Variants in IGFBP3 observed in about 807,000 individuals in gnomAD.
IGFBP3 encodes the protein insulin like growth factor binding protein 3, also known as insulin-like growth factor-binding protein 3.
IGFBP3 carries 9 observed loss-of-function variants against 28.6 expected under a neutral mutation model. The ratio of observed to expected loss-of-function variants is 0.31; its 90% confidence interval spans 0.19 to 0.55. IGFBP3 has a LOEUF of 0.55. Ranked by LOEUF, IGFBP3 falls within the 20% of genes least tolerant of loss-of-function variation. IGFBP3 has a pLI of 0.93. For missense variants in IGFBP3, 382 were observed against 428.9 expected (o/e 0.89, Z 0.97); for synonymous variants, 185 against 188.2 (o/e 0.98, Z 0.14).
At chr7:45,919,191 T>C (rs1784652693) in intron 1 of IGFBP3, among the ~76,000 whole-genome samples, 1 of 152,194 alleles carries the variant, frequency 6.6e-6, no homozygotes, top group Admixed American at 6.5e-5. Context: ...TTACCTTTTT[T>C]TGTCAAATAG....
rs2453837 is a variant in IGFBP3, at chr7:45,916,451, G to A, written c.750+97C>T. ...GGCACTGGTGCTGCACAGGCTCAGA[G>A]TTAGAGCTATGGCCAGAAGAGCCTG... is the stretch of plus-strand genomic sequence containing the variant. On this transcript the variant is annotated intron_variant, in intron 3 of 4. Transcript: ENST00000613132. 1.7e-3 allele frequency: 2,258 copies of A among 1,295,998 alleles called. 27 individuals carry two copies. The African/African-American group carries it at 0.029, about 17-fold the overall frequency. 80.3% of individuals were successfully genotyped at this position (1,295,998 alleles called of 1,614,324 possible). A position where few individuals can be genotyped will look rare whatever the true frequency, so the allele number is the denominator to read the frequency against.
rs540695286 is a variant in IGFBP3, at chr7:45,913,679, G to T, written c.*171C>A. 1 of 152,322 alleles carries T rather than the reference G, an allele frequency of 6.6e-6. No homozygotes were observed. Among genetic ancestry groups the T allele is most frequent in the Admixed American group, 6.5e-5 (1 of 15,302 alleles). The allele number at this position is 152,322 out of a possible 1,614,324, so 9.4% of individuals were successfully genotyped here. ...AAGATGCTCAAGTTTACCATTCAAAGAAACCATAGGCATTTCAAAAACCTC... is the reference window on the plus strand; with the variant it reads ...AAGATGCTCAAGTTTACCATTCAAATAAACCATAGGCATTTCAAAAACCTC... On this transcript the variant is annotated 3_prime_UTR_variant, in exon 5 of 5. Coordinates refer to ENST00000613132, the MANE Select transcript of IGFBP3 (RefSeq NM_000598.5).
chr7:45,920,082 G>C (rs1784663767), intron 1 of IGFBP3: 1 of 152,220 alleles, frequency 6.6e-6, no homozygotes, highest in Admixed American at 6.5e-5. Context: ...TTGTAAGAAT[G>C]GTATGGTACT....
Position 45,920,846 on chromosome 7 carries a change from C to A in IGFBP3, c.295G>T (p.Asp99Tyr). The A allele has an allele frequency of 7.1e-7, 1 of 1,411,792 alleles. No individual in the cohort carries two copies. The highest frequency in any genetic ancestry group is 9.2e-7 in the Non-Finnish European group (1 of 1,090,942). 87.5% of individuals were successfully genotyped at this position (1,411,792 alleles called of 1,614,324 possible). Reference protein sequence around the residue: ...GSGLRCQPSPDEARPLQALLD... With the variant: ...GSGLRCQPSPYEARPLQALLD... Reference sequence around the variant, plus strand: ...AGCGCCTGCAGCGGTCGCGCCTCGTCGGGCGACGGCTGGCAGCGAAGGCCG... The same window carrying A: ...AGCGCCTGCAGCGGTCGCGCCTCGTAGGGCGACGGCTGGCAGCGAAGGCCG... Residue 99 changes from aspartate (D) to tyrosine (Y), a missense_variant, in exon 1 of 5, where the codon GAC becomes TAC. By Grantham distance (160) the Asp-to-Tyr change is radical. Coordinates refer to ENST00000613132, the MANE Select transcript of IGFBP3 (RefSeq NM_000598.5).
At chr7:45,920,540 G>C (rs1048888605) in intron 1 of IGFBP3, 198 bp downstream of exon 1, 2 of 446,424 alleles carry the variant, frequency 4.5e-6, no homozygotes, top group Non-Finnish European at 7.6e-6. Context: ...TTAGAGAATC[G>C]AGCAAGTAGA....
chr7:45,916,205 G>A (rs1010950334), intron 3 of IGFBP3, among the ~76,000 whole-genome samples: 7 of 152,162 alleles, frequency 4.6e-5, no homozygotes, highest in African/African-American at 1.2e-4. Flanking sequence ...ACTCCCTGAC[G>A]CAGCATTAAC....
chr7:45,914,770 C>A, intron 4 of IGFBP3, 35 bp downstream of exon 4: 1 of 1,605,488 alleles, frequency 6.2e-7, no homozygotes, highest in Admixed American at 1.7e-5. Flanking sequence ...ACAGTGAGGC[C>A]CTGGAGCCCC....
intron 3 of IGFBP3, among the ~76,000 whole-genome samples, chr7:45,915,590 G>C (rs1321027731): frequency 6.6e-6 from 1 of 152,132 alleles, no homozygotes. Context: ...ATTTATTACA[G>C]CTTAATATTA....
intron 3 of IGFBP3, among the ~76,000 whole-genome samples, chr7:45,915,818 GA>G (rs1461144223): frequency 6.6e-6 from 1 of 152,188 alleles, no homozygotes; most frequent in Non-Finnish European, 1.5e-5. Flanking sequence ...CAGTGAGTCG[GA>G]GGAAGACCAC....
rs757404114 is a variant in IGFBP3 at position 45,917,199 on chromosome 7, G to A, written c.630+14C>T. 1.3e-5 allele frequency: 21 copies of A among 1,599,400 alleles called. No individual in the cohort carries two copies. The South Asian group carries it at 1.9e-4, about 14-fold the overall frequency. ...GTCTTGCCCTCCTCCTTTAACAAGA[G>A]GAAAAGCTCTCACATATTCTGTCTC... On this transcript the variant is annotated intron_variant, in intron 2 of 4. Transcript: ENST00000613132.
rs2116570426 is a variant in IGFBP3, at chr7:45,912,909, AAGG to A, written c.*938_*940del. 6.6e-6 allele frequency: 1 copy of A among 152,428 alleles called. No homozygotes were observed. Among genetic ancestry groups the A allele is most frequent in the South Asian group, 2.1e-4 (1 of 4,818 alleles). The allele number at this position is 152,428 out of a possible 1,614,324, so 9.4% of individuals were successfully genotyped here. The stretch of plus-strand genomic sequence containing the variant: ...TTACTATTCTTTTTTACATTGTGCT[AAGG>A]AGGACAAAAGATGAGAGATGAAAAT... On this transcript the variant is annotated 3_prime_UTR_variant, in exon 5 of 5. Transcript: ENST00000613132.
At chr7:45,920,234 C>T (rs1199854875) in intron 1 of IGFBP3, 1 of 154,504 alleles carries the variant, frequency 6.5e-6, no homozygotes, top group Admixed American at 6.5e-5. Flanking sequence ...TTGGACATAC[C>T]GGGACTAGAC....
rs957308346 is a variant in IGFBP3 at position 45,920,406 on chromosome 7, C to G, written c.403+332G>C. 20 of 301,206 alleles carry G rather than the reference C, an allele frequency of 6.6e-5. No homozygotes were observed. The East Asian group carries it at 9.7e-4, about 15-fold the overall frequency. 18.7% of individuals were successfully genotyped at this position (301,206 alleles called of 1,614,324 possible). On this transcript the variant is annotated intron_variant, in intron 1 of 4. Transcript: ENST00000613132. ...AGTCCGTGTGCACCCCCGTGCGGGG[C>G]GAGGAGAATCTCCTGTGTCCAGGAT...
intron 4 of IGFBP3, chr7:45,914,382 C>T (rs1255473476): frequency 6.5e-6 from 1 of 153,246 alleles, no homozygotes; most frequent in East Asian, 1.9e-4. Flanking sequence ...TCAGCTGTCT[C>T]ACATTCACAT....
In IGFBP3 at chr7:45,913,499, T is replaced by A. The variant is rs139499181; in HGVS notation, c.*351A>T. The A allele has an allele frequency of 6.6e-6, 1 of 152,254 alleles. No homozygotes were observed. The highest frequency in any genetic ancestry group is 2.4e-5 in the African/African-American group (1 of 41,452). 9.4% of individuals were successfully genotyped at this position (152,254 alleles called of 1,614,324 possible). Reference sequence around the variant, plus strand: ...TCTCTACATAGGCAACACAGCCGCCTAAGTCACAAAGTCAGTGGTCGGCCG... The same window carrying A: ...TCTCTACATAGGCAACACAGCCGCCAAAGTCACAAAGTCAGTGGTCGGCCG... On this transcript the variant is annotated 3_prime_UTR_variant, in exon 5 of 5. Coordinates refer to ENST00000613132, the MANE Select transcript of IGFBP3 (RefSeq NM_000598.5).
rs1784561554 is a variant in IGFBP3, at chr7:45,912,811, G to A, written c.*1039C>T. 6.6e-6 allele frequency: 1 copy of A among 152,290 alleles called. No individual in the cohort carries two copies. The highest frequency in any genetic ancestry group is 1.5e-5 in the Non-Finnish European group (1 of 68,056). 9.4% of individuals were successfully genotyped at this position (152,290 alleles called of 1,614,324 possible). The stretch of plus-strand genomic sequence containing the variant: ...GAATGACTCTAAGTTCAACAAACAT[G>A]GGTGAATCTCTATGTGCTCCCAGTG... On this transcript the variant is annotated 3_prime_UTR_variant, in exon 5 of 5. Coordinates refer to ENST00000613132, the MANE Select transcript of IGFBP3 (RefSeq NM_000598.5).
intron 4 of IGFBP3, 141 bp from the exon 5 acceptor site, chr7:45,913,975 G>A (rs549022363): frequency 6.6e-6 from 1 of 152,254 alleles, no homozygotes; most frequent in Non-Finnish European, 1.5e-5. Context: ...CTCAACTCAT[G>A]TTTTCAAACA....
intron 1 of IGFBP3, 105 bp downstream of exon 1, chr7:45,920,633 G>A: frequency 9.0e-7 from 1 of 1,109,400 alleles, no homozygotes; most frequent in Non-Finnish European, 1.2e-6. Flanking sequence ...TATCTCCAGT[G>A]AGAAGAAAAG....
chr7:45,916,654 C>T lies in IGFBP3; in HGVS notation c.644G>A (p.Arg215Lys). Residue 215 changes from arginine to lysine, a missense_variant, in exon 3 of 5, where the codon AGA (arginine) becomes AAA (lysine). Physicochemically the swap from Arg to Lys is conservative, Grantham distance 26 (BLOSUM62 2). Transcript: ENST00000613132. The part of the protein sequence containing the change: ...KRETEYGPCR[R>K]EMEDTLNHLK... ...GTGATTCAGTGTGTCTTCCATTTCT[C>T]TACGGCAGGGACCCTGGGGATCAGG... 6.2e-7 allele frequency: 1 copy of T among 1,612,824 alleles called. No individual in the cohort carries two copies. The highest frequency in any genetic ancestry group is 1.1e-5 in the South Asian group (1 of 90,990).
Sources: allele counts gnomAD v4.1 joint callset (sites outside exome capture counted in the v4.1 genomes callset), GRCh38; gene constraint gnomAD v4.1.1; transcripts MANE v1.5; gene names NCBI Gene and HGNC (gene_info 2026-07-23, HGNC 2026-07-21).